DLG1: variants seen among roughly 807,000 people sequenced by gnomAD.
The protein encoded by DLG1 is disks large homolog 1.
A neutral mutation model predicts 123.4 loss-of-function variants in DLG1; 42 were observed. That is an observed-to-expected ratio of 0.34 (90% CI 0.27 to 0.44). The LOEUF (loss-of-function observed/expected upper bound fraction) is 0.44. Among genes scored for constraint, DLG1 ranks in the 20% least tolerant of loss-of-function variants. The pLI, the probability that DLG1 is intolerant of heterozygous loss-of-function variation, is 1.00. For synonymous variants in DLG1, 317 were observed against 356.2 expected, an observed-to-expected ratio of 0.89 and a Z score of 1.24; for missense variants, 942 against 1,082.6, an observed-to-expected ratio of 0.87 and a Z score of 1.82.
chr3:197,295,482 C>CAA (rs67590858), intron 3 of DLG1, among the ~76,000 whole-genome samples: 65 of 142,480 alleles, frequency 4.6e-4, no homozygotes, highest in South Asian at 2.9e-3. Flanking sequence ...ATAACTAAAA[C>CAA]AAAAAAAAAA....
At chr3:197,149,955 C>G (rs1793060976) in intron 5 of DLG1, among the ~76,000 whole-genome samples, 159 bp from the exon 6 acceptor site, 1 of 152,072 alleles carries the variant, frequency 6.6e-6, no homozygotes, top group Admixed American at 6.5e-5. Flanking sequence ...CAGCACCAAA[C>G]AGAAAAAATT....
chr3:197,071,138 A>C (rs1278240014), intron 18 of DLG1: 1 of 151,982 alleles, frequency 6.6e-6, no homozygotes, highest in Non-Finnish European at 1.5e-5. Flanking sequence ...TTAAAAAAAG[A>C]GTTATTCTGT....
intron 13 of DLG1, among the ~76,000 whole-genome samples, chr3:197,111,659 T>G (rs1472853489): frequency 2.0e-5 from 3 of 152,218 alleles, no homozygotes; most frequent in African/African-American, 7.2e-5. Context: ...ATGTATCTTT[T>G]CCACCGATGT....
chr3:197,112,157 T>C (rs6782621), intron 13 of DLG1, among the ~76,000 whole-genome samples: 36,822 of 152,150 alleles, frequency 0.24, 5,648 homozygotes, highest in East Asian at 0.72. Flanking sequence ...TGTTATTTTT[T>C]TCTTTTGTTG....
At chr3:197,183,724 C>T in intron 5 of DLG1, 2 of 1,550,534 alleles carry the variant, frequency 1.3e-6, no homozygotes, top group Non-Finnish European at 8.7e-7. Flanking sequence ...TGCTTTGGGC[C>T]TGCTGAGCCA....
intron 16 of DLG1, among the ~76,000 whole-genome samples, chr3:197,082,902 G>A (rs1752071823): frequency 6.6e-6 from 1 of 152,166 alleles, no homozygotes; most frequent in Admixed American, 6.5e-5. Context: ...AGCCAACAGT[G>A]TTTATTATTG....
Position 197,085,615 on chromosome 3 carries a change from C to G in DLG1, c.1803G>C (p.Glu601Asp). Residue 601 changes from glutamate to aspartate, a missense_variant, in exon 16 of 25, where the codon GAG becomes GAC. Coordinates refer to ENST00000667157, the MANE Select transcript of DLG1 (RefSeq NM_001366207.1). ...TGGGAATCACTCCGACCTCATCGCT[C>G]TCACCATCTGGTGTAACCTGCCTGG... ...WQARQVTPDG[E>D]SDEVGVIPSK... The G allele has an allele frequency of 6.2e-7, 1 of 1,614,020 alleles. No homozygotes were observed. Among genetic ancestry groups the G allele is most frequent in the Non-Finnish European group, 8.5e-7 (1 of 1,180,004 alleles).
chr3:197,149,690 A>T, intron 6 of DLG1, 53 bp downstream of exon 6: 1 of 1,157,764 alleles, frequency 8.6e-7, no homozygotes. Flanking sequence ...TGTATCAAAA[A>T]ACGGAACAGG....
chr3:197,290,934 C>G (rs1340372394), intron 3 of DLG1, among the ~76,000 whole-genome samples: 1 of 142,270 alleles, frequency 7.0e-6, no homozygotes, highest in Non-Finnish European at 1.5e-5. Context: ...CAGTCTCACA[C>G]AAGACAAAGA....
chr3:197,298,061 C>G (rs1391217053), intron 1 of DLG1: 6 of 419,582 alleles, frequency 1.4e-5, no homozygotes, highest in African/African-American at 2.1e-5. Context: ...CGCCCCACCC[C>G]CGGAACCTCG....
chr3:197,232,610 T>A (rs367867697), intron 4 of DLG1, among the ~76,000 whole-genome samples: 1 of 152,038 alleles, frequency 6.6e-6, no homozygotes, highest in South Asian at 2.1e-4. Context: ...CAGAAGCAAA[T>A]GAACTTGTTA....
At chr3:197,198,487 CAAAA>C (rs5855568) in intron 4 of DLG1, among the ~76,000 whole-genome samples, 1 of 109,664 alleles carries the variant, frequency 9.1e-6, no homozygotes, top group Non-Finnish European at 1.8e-5. Context: ...ACTCAGTCTC[CAAAA>C]AAAAAAAAAA....
Position 197,123,499 on chromosome 3 carries a change from ATAAT to A in DLG1, c.1166-3973_1166-3970del, listed in dbSNP as rs1310778445. ...ATAAGCACAGGCAAAAATGCTGAAA[ATAAT>A]TAATCATCAGGAACAACCAGCAATA... On this transcript the variant is annotated intron_variant, in intron 11 of 24. Transcript: ENST00000667157. Among the ~76,000 whole-genome samples, 11 of 152,370 alleles carry A rather than the reference ATAAT, an allele frequency of 7.2e-5. No individual in the cohort carries two copies. The East Asian group carries it at 1.9e-3, about 27-fold the overall frequency.
At chr3:197,147,431 T>TGC (rs1350987724) in intron 6 of DLG1, among the ~76,000 whole-genome samples, 90 of 81,574 alleles carry the variant, frequency 1.1e-3, no homozygotes, top group African/African-American at 4.1e-3. Context: ...ATATATGGTG[T>TGC]GCACACACAC....
intron 14 of DLG1, among the ~76,000 whole-genome samples, chr3:197,104,107 C>T (rs147008887): frequency 1.8e-4 from 27 of 152,100 alleles, no homozygotes; most frequent in Middle Eastern, 3.4e-3. Context: ...TTTTAAATAG[C>T]GGCAGTAACA....
At chr3:197,247,847 G>C (rs1269560321) in intron 4 of DLG1, among the ~76,000 whole-genome samples, 1 of 152,062 alleles carries the variant, frequency 6.6e-6, no homozygotes, top group African/African-American at 2.4e-5. Context: ...TCATATTAGA[G>C]GTTTCTTGCC....
chr3:197,270,156 C>T (rs1187406947), intron 4 of DLG1, among the ~76,000 whole-genome samples: 1 of 152,104 alleles, frequency 6.6e-6, no homozygotes, highest in Non-Finnish European at 1.5e-5. Context: ...AGTTCAGGAG[C>T]AGTGAAAACT....
intron 4 of DLG1, among the ~76,000 whole-genome samples, chr3:197,235,343 T>C (rs551365435): frequency 8.5e-5 from 13 of 152,298 alleles, no homozygotes; most frequent in Non-Finnish European, 7.4e-5. Flanking sequence ...AGAAATCAAA[T>C]AGTGAGTACC....
At chr3:197,058,905 A>G (rs1733807513) in intron 23 of DLG1, among the ~76,000 whole-genome samples, 2 of 152,172 alleles carry the variant, frequency 1.3e-5, no homozygotes. Context: ...GTTGGAGTGA[A>G]TATTTTACTT....
Sources: gnomAD v4.1 joint callset for allele counts (sites outside exome capture counted in the v4.1 genomes callset) on GRCh38, gnomAD v4.1.1 for gene constraint, MANE v1.5 for transcripts, NCBI Gene and HGNC (gene_info 2026-07-23, HGNC 2026-07-21) for gene names.